Variants in COLEC12 observed in about 807,000 individuals in gnomAD.
COLEC12 encodes collectin-12.
COLEC12 carries 33 observed loss-of-function variants against 71.1 expected under a neutral mutation model. The observed-to-expected ratio is 0.46, with a 90% CI of 0.35 to 0.62. The LOEUF (loss-of-function observed/expected upper bound fraction) is 0.62, where lower values mean the gene tolerates loss of function less well. COLEC12 is among the 20% of genes least tolerant of loss of function. COLEC12 has a pLI of 0.00. For synonymous variants in COLEC12, 350 were observed against 353.0 expected (o/e 0.99, Z 0.10); for missense variants, 765 against 916.1 (o/e 0.84, Z 2.13).
At chr18:326,516 G>A (rs2143416003) in intron 8 of COLEC12, among the ~76,000 whole-genome samples, 1 of 152,142 alleles carries the variant, frequency 6.6e-6, no homozygotes, top group African/African-American at 2.4e-5. Context: ...CCTGGCTAAT[G>A]TCTTTTACTT....
At chr18:364,860 G>A (rs1914822138) in intron 2 of COLEC12, among the ~76,000 whole-genome samples, 1 of 152,112 alleles carries the variant, frequency 6.6e-6, no homozygotes. Context: ...TAGGAATTCT[G>A]ACCCTAATTT....
intron 2 of COLEC12, among the ~76,000 whole-genome samples, chr18:367,767 C>A (rs899744415): frequency 1.3e-4 from 20 of 152,214 alleles, no homozygotes; most frequent in African/African-American, 4.8e-4. Flanking sequence ...TGACGACCAT[C>A]CCTGTCACTA....
chr18:473,824 AT>A (rs532818591), intron 2 of COLEC12, among the ~76,000 whole-genome samples: 123 of 151,200 alleles, frequency 8.1e-4, no homozygotes, highest in Non-Finnish European at 1.3e-3. Context: ...AGCTGAGTAG[AT>A]TTTTTTTTTC....
In COLEC12 at chr18:377,317, G is replaced by A. The variant is rs377680424; in HGVS notation, c.59-19795C>T. ...ACCAGCAGCATGATGCTCCCGGCAC[G>A]TGTGAGCCCGAGGGGTCTGATGCCC... On this transcript the variant is annotated intron_variant, in intron 2 of 9. Coordinates refer to ENST00000400256, the MANE Select transcript of COLEC12 (RefSeq NM_130386.3). 9.2e-5 allele frequency among the ~76,000 whole-genome samples: 14 copies of A among 152,366 alleles called. No individual in the cohort carries two copies. In the South Asian group the frequency reaches 2.5e-3, roughly 27 times the overall value.
intron 2 of COLEC12, among the ~76,000 whole-genome samples, chr18:462,789 G>A (rs1453110546): frequency 1.3e-5 from 2 of 152,194 alleles, no homozygotes; most frequent in African/African-American, 2.4e-5. Context: ...TTTATCATGA[G>A]GTTGAGCATG....
At chr18:381,925 G>A (rs929296989) in intron 2 of COLEC12, among the ~76,000 whole-genome samples, 1 of 151,796 alleles carries the variant, frequency 6.6e-6, no homozygotes, top group African/African-American at 2.4e-5. Context: ...GGAAAATAAT[G>A]ACTGGATTTA....
In COLEC12 at chr18:346,174, C is replaced by T. The variant is rs1056580344; in HGVS notation, c.1327+121G>A. ...CATCTAGCTAAGCTGCTCTTGAATT[C>T]CTGGTCCACAAAAACTATGAGATGA... On this transcript the variant is annotated intron_variant, in intron 5 of 9. Coordinates refer to ENST00000400256, the MANE Select transcript of COLEC12 (RefSeq NM_130386.3). The surrounding 1 kb of genome is among the most constrained non-coding windows in gnomAD (Gnocchi z 4.0). 4.1e-6 allele frequency: 3 copies of T among 734,526 alleles called. No individual in the cohort carries two copies. The highest frequency in any genetic ancestry group is 2.8e-5 in the Admixed American group (1 of 35,476). The allele number at this position is 734,526 out of a possible 1,614,324, so 45.5% of individuals were successfully genotyped here.
intron 8 of COLEC12, among the ~76,000 whole-genome samples, chr18:329,580 T>C (rs1015133850): frequency 6.6e-6 from 1 of 152,192 alleles, no homozygotes; most frequent in African/African-American, 2.4e-5. Flanking sequence ...CCTTGGCTCA[T>C]CAGGCAAAGT....
intron 2 of COLEC12, among the ~76,000 whole-genome samples, chr18:393,468 C>T (rs1915506000): frequency 6.6e-6 from 1 of 152,014 alleles, no homozygotes; most frequent in Non-Finnish European, 1.5e-5. Flanking sequence ...GGAGTCAAAT[C>T]TTCTTCCCAC....
At chr18:421,925 G>A (rs144655036) in intron 2 of COLEC12, among the ~76,000 whole-genome samples, 174 of 152,284 alleles carry the variant, frequency 1.1e-3, no homozygotes, top group African/African-American at 3.9e-3. Context: ...TTAATCTTTG[G>A]ATACCAATCT....
chr18:482,703 C>A (rs576104241), intron 1 of COLEC12, among the ~76,000 whole-genome samples: 2 of 152,196 alleles, frequency 1.3e-5, no homozygotes, highest in East Asian at 1.9e-4. Context: ...CCTCCGCCTC[C>A]TGGGTTCAAG....
Position 384,470 on chromosome 18 carries a change from C to A in COLEC12, c.59-26948G>T, listed in dbSNP as rs1050511978. On this transcript the variant is annotated intron_variant, in intron 2 of 9. Transcript: ENST00000400256. ...CCTGCAGATAGATGAAGGACTGCCA[C>A]GTGTAAGAGGAAGTTATTTTGTTTT... 9.2e-5 allele frequency among the ~76,000 whole-genome samples: 14 copies of A among 151,990 alleles called. 1 individual carries two copies. Among genetic ancestry groups the A allele is most frequent in the African/African-American group, 3.4e-4 (14 of 41,362 alleles).
At chr18:388,530 T>C (rs1915394567) in intron 2 of COLEC12, among the ~76,000 whole-genome samples, 1 of 152,226 alleles carries the variant, frequency 6.6e-6, no homozygotes, top group Non-Finnish European at 1.5e-5. Context: ...AGTTTCTGTA[T>C]GCGCATGGGT....
intron 1 of COLEC12, among the ~76,000 whole-genome samples, chr18:499,190 T>A (rs374494863): frequency 6.6e-6 from 1 of 152,204 alleles, no homozygotes; most frequent in Non-Finnish European, 1.5e-5. Flanking sequence ...GAAACTGAGA[T>A]GGAGACAGAA....
At chr18:429,124 T>C (rs1394541323) in intron 2 of COLEC12, among the ~76,000 whole-genome samples, 1 of 152,210 alleles carries the variant, frequency 6.6e-6, no homozygotes, top group Admixed American at 6.5e-5. Context: ...CCAGAGATTA[T>C]GAAGTCACAA....
Position 334,837 on chromosome 18 carries a change from G to A in COLEC12, c.1721C>T (p.Pro574Leu), listed in dbSNP as rs145828426. 2.3e-3 allele frequency: 3,506 copies of A among 1,519,350 alleles called. 42 individuals carry two copies. The highest frequency in any genetic ancestry group is 0.02 in the South Asian group (1,607 of 78,960). The allele number at this position is 1,519,350 out of a possible 1,614,324, so 94.1% of individuals were successfully genotyped here. ...LPGLPGVPGM[P>L]GPKGPPGPPG... ...AGGGCCGGGGGGGCCCTTGGGGCCT[G>A]GCATGCCTGGTACCCCAGGCAAGCC... The change falls in exon 6 of 10, where the codon CCA becomes CTA. Residue 574 changes from proline (P) to leucine (L), a missense_variant. Physicochemically the swap from Pro to Leu is moderately conservative, Grantham distance 98. Transcript: ENST00000400256.
chr18:370,671 A>G (rs1195097678), intron 2 of COLEC12, among the ~76,000 whole-genome samples: 1 of 152,194 alleles, frequency 6.6e-6, no homozygotes, highest in Non-Finnish European at 1.5e-5. Flanking sequence ...CCTTCCATTA[A>G]GAAGAGATAC....
At chr18:422,490 A>G (rs1214388634) in intron 2 of COLEC12, among the ~76,000 whole-genome samples, 1 of 152,198 alleles carries the variant, frequency 6.6e-6, no homozygotes, top group African/African-American at 2.4e-5. Flanking sequence ...GCCATATGCT[A>G]AGAACTCAAG....
intron 2 of COLEC12, among the ~76,000 whole-genome samples, chr18:420,624 T>C (rs1038637302): frequency 2.7e-4 from 41 of 152,232 alleles, no homozygotes; most frequent in African/African-American, 9.4e-4. Flanking sequence ...AAGGACTGTG[T>C]AAATGAGAAC....
Sources: allele counts gnomAD v4.1 joint callset (sites outside exome capture counted in the v4.1 genomes callset), GRCh38; gene constraint gnomAD v4.1.1; non-coding constraint Gnocchi (gnomAD v3.1); transcripts MANE v1.5; gene names NCBI Gene and HGNC (gene_info 2026-07-23, HGNC 2026-07-21).